FOCAD: variants seen among roughly 807,000 people sequenced by gnomAD.
The protein encoded by FOCAD is KIAA1797.
FOCAD carries 198 observed loss-of-function variants against 225.6 expected under a neutral mutation model. The observed-to-expected ratio is 0.88, with a 90% CI of 0.78 to 0.99. The LOEUF is 0.99. FOCAD is among the 50% of genes least tolerant of loss of function. The pLI is 0.00. For synonymous variants in FOCAD, 897 were observed against 755.0 expected (o/e 1.19, Z -3.08); for missense variants, 2,713 against 2,123.6 (o/e 1.28, Z -5.46).
intron 27 of FOCAD, 98 bp from the exon 28 acceptor site, chr9:20,932,916 A>C (rs897811513): frequency 8.3e-6 from 7 of 844,228 alleles, no homozygotes; most frequent in East Asian, 5.2e-5. Flanking sequence ...AAATGCTGGT[A>C]TTTCCAGTAA....
intron 21 of FOCAD, 93 bp downstream of exon 21, chr9:20,885,323 C>A: frequency 8.0e-7 from 1 of 1,247,896 alleles, no homozygotes; most frequent in Non-Finnish European, 1.0e-6. Context: ...TTTTTTTGAT[C>A]ATAATTAATG....
intron 1 of FOCAD, among the ~76,000 whole-genome samples, chr9:20,690,735 G>A (rs146955713): frequency 1.4e-4 from 22 of 152,122 alleles, no homozygotes; most frequent in African/African-American, 4.3e-4. Flanking sequence ...TCTTGTAGCG[G>A]TGGGGGTCTT....
chr9:20,709,502 C>G (rs1189418388), intron 1 of FOCAD, among the ~76,000 whole-genome samples: 1 of 128,670 alleles, frequency 7.8e-6, no homozygotes, highest in Non-Finnish European at 1.6e-5. Context: ...CCGTCTCTGT[C>G]TCTTAAAAAA....
At chr9:20,817,092 T>C (rs1436971718) in intron 11 of FOCAD, among the ~76,000 whole-genome samples, 2 of 152,152 alleles carry the variant, frequency 1.3e-5, no homozygotes, top group Non-Finnish European at 2.9e-5. Flanking sequence ...TTTTGAAATA[T>C]AGCATATGGC....
chr9:20,878,210 T>C (rs1830387125), intron 19 of FOCAD, among the ~76,000 whole-genome samples: 1 of 152,126 alleles, frequency 6.6e-6, no homozygotes, highest in Non-Finnish European at 1.5e-5. Flanking sequence ...GATGCAAAAA[T>C]GAAATACATA....
At chr9:20,880,694 G>A (rs1292811857) in intron 19 of FOCAD, among the ~76,000 whole-genome samples, 6 of 152,134 alleles carry the variant, frequency 3.9e-5, no homozygotes, top group Non-Finnish European at 8.8e-5. Context: ...ACGGTCCAGT[G>A]AGCTCTTGCT....
intron 1 of FOCAD, among the ~76,000 whole-genome samples, chr9:20,709,603 G>T (rs1356284389): frequency 6.6e-6 from 1 of 151,556 alleles, no homozygotes; most frequent in African/African-American, 2.4e-5. Flanking sequence ...AAGAGGATAT[G>T]ATGTTTTATA....
At chr9:20,981,911 C>T (rs922393179) in intron 38 of FOCAD, among the ~76,000 whole-genome samples, 13 of 152,138 alleles carry the variant, frequency 8.5e-5, no homozygotes, top group African/African-American at 3.1e-4. Context: ...ACCAGTGCTG[C>T]ACCAGGAAAT....
intron 31 of FOCAD, 96 bp downstream of exon 31, chr9:20,948,489 T>A (rs1837395783): frequency 1.5e-6 from 2 of 1,334,710 alleles, no homozygotes; most frequent in African/African-American, 1.5e-5. Flanking sequence ...ATATATACGT[T>A]AATGGTAAAA....
chr9:20,747,392 A>T (rs1828137310), intron 5 of FOCAD, among the ~76,000 whole-genome samples: 1 of 152,216 alleles, frequency 6.6e-6, no homozygotes, highest in Non-Finnish European at 1.5e-5. Context: ...AATTAAAAAT[A>T]GTATGTGGCT....
intron 21 of FOCAD, among the ~76,000 whole-genome samples, chr9:20,888,921 A>G (rs762888315): frequency 5.9e-5 from 9 of 152,208 alleles, no homozygotes; most frequent in South Asian, 2.1e-4. Context: ...TTCTTGTGCA[A>G]ATTACCCAGT....
intron 18 of FOCAD, among the ~76,000 whole-genome samples, chr9:20,869,561 T>C (rs185392060): frequency 6.3e-4 from 96 of 152,224 alleles, no homozygotes; most frequent in African/African-American, 2.2e-3. Context: ...TAGGGTTGAA[T>C]GAAACAGTAC....
At chr9:20,795,330 A>T (rs1484961010) in intron 11 of FOCAD, among the ~76,000 whole-genome samples, 6 of 152,240 alleles carry the variant, frequency 3.9e-5, no homozygotes, top group South Asian at 4.1e-4. Context: ...TAGTTCAGGT[A>T]TTCCTGTTAC....
intron 2 of FOCAD, among the ~76,000 whole-genome samples, chr9:20,675,795 G>T (rs1255009977): frequency 6.7e-6 from 1 of 149,116 alleles, no homozygotes; most frequent in Non-Finnish European, 1.5e-5. Flanking sequence ...GACACTGGGA[G>T]CAACATCAAT....
intron 15 of FOCAD, among the ~76,000 whole-genome samples, chr9:20,855,572 CCT>C (rs1828091803): frequency 1.3e-5 from 2 of 151,626 alleles, no homozygotes; most frequent in African/African-American, 4.8e-5. Context: ...GTATCCATCA[CCT>C]CAAGCATTAT....
At chr9:20,870,800 T>C (rs529602257) in intron 18 of FOCAD, among the ~76,000 whole-genome samples, 2 of 152,332 alleles carry the variant, frequency 1.3e-5, no homozygotes, top group South Asian at 4.1e-4. Flanking sequence ...GTTAAGTGTG[T>C]TAAATGTATT....
intron 2 of FOCAD, among the ~76,000 whole-genome samples, chr9:20,665,980 C>T (rs951915558): frequency 2.4e-4 from 36 of 152,150 alleles, no homozygotes; most frequent in African/African-American, 6.7e-4. Flanking sequence ...CTGCAACCTC[C>T]GCCTTCCAGG....
intron 5 of FOCAD, among the ~76,000 whole-genome samples, chr9:20,754,599 G>A (rs1828874953): frequency 6.6e-6 from 1 of 151,522 alleles, no homozygotes; most frequent in Non-Finnish European, 1.5e-5. Flanking sequence ...CTTCGGTGAT[G>A]TGCCTTCCAT....
intron 23 of FOCAD, among the ~76,000 whole-genome samples, chr9:20,913,685 T>C (rs1833635153): frequency 6.6e-6 from 1 of 152,180 alleles, no homozygotes; most frequent in Admixed American, 6.5e-5. Context: ...GTGTATGTAT[T>C]TGATTAATTG....
Sources: gnomAD v4.1 joint callset for allele counts (sites outside exome capture counted in the v4.1 genomes callset) on GRCh38, gnomAD v4.1.1 for gene constraint, MANE v1.5 for transcripts, NCBI Gene and HGNC (gene_info 2026-07-23, HGNC 2026-07-21) for gene names.